SAMD13: variants seen among roughly 807,000 people sequenced by gnomAD.
SAMD13 encodes the protein sterile alpha motif domain containing 13.
Under a neutral mutation model 12.4 loss-of-function variants are expected in SAMD13, and 9 were observed. The observed-to-expected ratio is 0.72, with a 90% CI of 0.44 to 1.26. The LOEUF (loss-of-function observed/expected upper bound fraction) is 1.26. Among genes scored for constraint, SAMD13 ranks in the 50% most tolerant of loss-of-function variants. The pLI is 0.00. For synonymous variants in SAMD13, 46 were observed against 45.4 expected, an observed-to-expected ratio of 1.01 and a Z score of -0.05; for missense variants, 84 against 119.6, an observed-to-expected ratio of 0.70 and a Z score of 1.39.
At chr1:84,309,305 C>T (rs1427855596) in intron 2 of SAMD13, among the ~76,000 whole-genome samples, 1 of 152,132 alleles carries the variant, frequency 6.6e-6, no homozygotes, top group Non-Finnish European at 1.5e-5. Flanking sequence ...AGTCTTGAGG[C>T]AGGCTTATTT....
chr1:84,299,776 G>T (rs923030939), upstream of SAMD13: 1 of 371,080 alleles, frequency 2.7e-6, no homozygotes. Flanking sequence ...GAGTGTCTTT[G>T]TGGCTCACTT....
At chr1:84,323,069 T>C (rs2101802891) in intron 2 of SAMD13, among the ~76,000 whole-genome samples, 1 of 152,340 alleles carries the variant, frequency 6.6e-6, no homozygotes, top group South Asian at 2.1e-4. Flanking sequence ...TGAATTCAGA[T>C]GTTTTCTGGG....
intron 2 of SAMD13, among the ~76,000 whole-genome samples, chr1:84,307,231 G>C (rs1294051471): frequency 6.6e-6 from 1 of 152,128 alleles, no homozygotes; most frequent in Non-Finnish European, 1.5e-5. Flanking sequence ...CATTTTAAAA[G>C]TCATTTTCTC....
intron 1 of SAMD13, 147 bp from the exon 2 acceptor site, chr1:84,303,056 C>G (rs1282353333): frequency 1.7e-6 from 1 of 605,542 alleles, no homozygotes; most frequent in Non-Finnish European, 2.9e-6. Flanking sequence ...CACATCTCTC[C>G]AATCGCCGAG....
chr1:84,330,255 T>G (rs1679150392), intron 3 of SAMD13, among the ~76,000 whole-genome samples: 1 of 152,224 alleles, frequency 6.6e-6, no homozygotes, highest in Non-Finnish European at 1.5e-5. Context: ...GCTCCTGCTT[T>G]AAGAGTCAAA....
chr1:84,320,684 A>G (rs182770417), intron 2 of SAMD13, among the ~76,000 whole-genome samples: 5 of 152,370 alleles, frequency 3.3e-5, no homozygotes, highest in Admixed American at 3.3e-4. Context: ...CATTTTGAAA[A>G]TAAGTTATAA....
intron 3 of SAMD13, among the ~76,000 whole-genome samples, chr1:84,331,328 TAAAAAAAAAAAAAAAAAAA>T (rs1178046260): frequency 1.1e-3 from 16 of 15,182 alleles, no homozygotes; most frequent in African/African-American, 3.0e-3. Flanking sequence ...CCCTCCTTGG[TAAAAAAAAAAAAAAAAAAA>T]AAAAAAAAAA....
chr1:84,319,299 G>T (rs1040755371), intron 2 of SAMD13, among the ~76,000 whole-genome samples: 2 of 152,084 alleles, frequency 1.3e-5, no homozygotes, highest in African/African-American at 2.4e-5. Context: ...GTATCTGATA[G>T]TAAACAAAAA....
intron 3 of SAMD13, among the ~76,000 whole-genome samples, chr1:84,342,248 T>C (rs1260115995): frequency 6.6e-6 from 1 of 152,212 alleles, no homozygotes; most frequent in Non-Finnish European, 1.5e-5. Context: ...TTTAAAAGCA[T>C]TTGTTGTTTT....
At chr1:84,344,620 A>G (rs1397935373) in intron 3 of SAMD13, 2 of 305,544 alleles carry the variant, frequency 6.5e-6, no homozygotes, top group Non-Finnish European at 1.3e-5. Flanking sequence ...CCAACCTTAT[A>G]TGGAAATTCT....
chr1:84,322,343 A>G (rs747156196), intron 2 of SAMD13, among the ~76,000 whole-genome samples: 1 of 152,236 alleles, frequency 6.6e-6, no homozygotes, highest in African/African-American at 2.4e-5. Flanking sequence ...TCCGGAATCC[A>G]ATCCTAGCTT....
Position 84,349,778 on chromosome 1 carries a change from AG to A in SAMD13, c.*5del. On this transcript the variant is annotated 3_prime_UTR_variant, in exon 4 of 4. Transcript: ENST00000394834. ...TTTAAAGAACAACTCTTCATAGTAC[AG>A]TCAAATTGGGGTCTTCGACCTCAAA... 1 of 1,600,252 alleles carries A rather than the reference AG, an allele frequency of 6.2e-7. No homozygotes were observed. Among genetic ancestry groups the A allele is most frequent in the Non-Finnish European group, 8.5e-7 (1 of 1,174,076 alleles).
At chr1:84,330,356 A>T (rs532510306) in intron 3 of SAMD13, among the ~76,000 whole-genome samples, 26 of 152,310 alleles carry the variant, frequency 1.7e-4, no homozygotes, top group African/African-American at 6.3e-4. Context: ...ACTTTTGTGA[A>T]TAGATATTTT....
chr1:84,332,485 G>A (rs1051956403), intron 3 of SAMD13, among the ~76,000 whole-genome samples: 1 of 152,114 alleles, frequency 6.6e-6, no homozygotes, highest in Non-Finnish European at 1.5e-5. Context: ...AATGATCAAC[G>A]ATGTTGAGCA....
chr1:84,320,718 A>G (rs1347032239), intron 2 of SAMD13, among the ~76,000 whole-genome samples: 9 of 152,248 alleles, frequency 5.9e-5, no homozygotes, highest in Non-Finnish European at 1.3e-4. Context: ...ACAAAGTTAG[A>G]GTGCACTGCT....
At chr1:84,342,068 A>G (rs2101818785) in intron 3 of SAMD13, among the ~76,000 whole-genome samples, 1 of 152,302 alleles carries the variant, frequency 6.6e-6, no homozygotes. Context: ...TAGCATAAGG[A>G]AAAAGAATAA....
chr1:84,302,822 G>A lies in SAMD13; in HGVS notation c.-32-381G>A, dbSNP rs751395656. On this transcript the variant is annotated intron_variant, in intron 1 of 3. Coordinates refer to ENST00000394834, the MANE Select transcript of SAMD13 (RefSeq NM_001134663.2). ...AAAAACAAATCAAAGCCCATAATGG[G>A]AGGGGGGCAGGAAAAGGGGGATTGT... The A allele has an allele frequency of 1.9e-5, 4 of 215,430 alleles. No homozygotes were observed. In the South Asian group the frequency reaches 6.8e-4, roughly 37 times the overall value. 13.3% of individuals were successfully genotyped at this position (215,430 alleles called of 1,614,324 possible).
chr1:84,342,620 T>G (rs1039937093), intron 3 of SAMD13, among the ~76,000 whole-genome samples: 1 of 152,170 alleles, frequency 6.6e-6, no homozygotes, highest in African/African-American at 2.4e-5. Context: ...GATTCTCTAT[T>G]TAATAAATGG....
chr1:84,326,299 A>G (rs1354461985), intron 3 of SAMD13, among the ~76,000 whole-genome samples: 1 of 152,182 alleles, frequency 6.6e-6, no homozygotes, highest in Non-Finnish European at 1.5e-5. Flanking sequence ...TCTTGGTTTC[A>G]TATCTATAAC....
Sources: gnomAD v4.1 joint callset for allele counts (sites outside exome capture counted in the v4.1 genomes callset) on GRCh38, gnomAD v4.1.1 for gene constraint, MANE v1.5 for transcripts, NCBI Gene and HGNC (gene_info 2026-07-23, HGNC 2026-07-21) for gene names.